CNTNAP2: variants seen among roughly 807,000 people sequenced by gnomAD.
CNTNAP2 encodes the protein contactin associated protein 2, also known as contactin-associated protein-like 2.
In CNTNAP2, 98 loss-of-function variants were observed where a neutral mutation model predicts 155.2. That is an observed-to-expected ratio of 0.63 (90% CI 0.54 to 0.75). The LOEUF (loss-of-function observed/expected upper bound fraction) is 0.75, where lower values mean the gene tolerates loss of function less well. CNTNAP2 is among the 30% of genes least tolerant of loss of function. CNTNAP2 has a pLI of 0.00. For missense variants in CNTNAP2, 1,727 were observed against 1,688.1 expected (o/e 1.02, Z -0.40); for synonymous variants, 651 against 631.2 (o/e 1.03, Z -0.47).
rs1038945462 is a variant in CNTNAP2, at chr7:147,477,407, C to T, written c.1671-8528C>T. Among the ~76,000 whole-genome samples, 5 of 152,148 alleles carry T rather than the reference C, an allele frequency of 3.3e-5. No individual in the cohort carries two copies. The South Asian group carries it at 1.0e-3, about 32-fold the overall frequency. Reference sequence around the variant, plus strand: ...AAGTAATCAATTAATAATGTAACCCCTTTAATCCTTTTGGGTTTCTTGTGG... The same window carrying T: ...AAGTAATCAATTAATAATGTAACCCTTTTAATCCTTTTGGGTTTCTTGTGG... On this transcript the variant is annotated intron_variant, in intron 10 of 23. Transcript: ENST00000361727.
intron 8 of CNTNAP2, among the ~76,000 whole-genome samples, chr7:147,221,229 A>T (rs1803392871): frequency 6.6e-6 from 1 of 152,210 alleles, no homozygotes; most frequent in Non-Finnish European, 1.5e-5. Context: ...CATACACAAT[A>T]TATACATTAA....
rs754087941 is a variant in CNTNAP2 at position 147,502,739 on chromosome 7, GTGTA to G, written c.1777+16700_1777+16703del. On this transcript the variant is annotated intron_variant, in intron 11 of 23. Coordinates refer to ENST00000361727, the MANE Select transcript of CNTNAP2 (RefSeq NM_014141.6). ...ACAATGTGTGTGTGTGTGTGTGTGT[GTGTA>G]TATATATATATATATAAAACAAATC... 1.5e-3 allele frequency among the ~76,000 whole-genome samples: 121 copies of G among 83,002 alleles called. 1 individual carries two copies. The highest frequency in any genetic ancestry group is 1.4e-3 in the Non-Finnish European group (60 of 43,776). 54.5% of individuals were successfully genotyped at this position (83,002 alleles called of 152,430 possible).
chr7:146,391,404 A>G (rs965111889), intron 1 of CNTNAP2, among the ~76,000 whole-genome samples: 1 of 151,946 alleles, frequency 6.6e-6, no homozygotes, highest in African/African-American at 2.4e-5. Flanking sequence ...CTCTCCTCAT[A>G]TCTTACATAC....
intron 1 of CNTNAP2, among the ~76,000 whole-genome samples, chr7:146,381,622 A>G (rs920268815): frequency 6.6e-6 from 1 of 152,176 alleles, no homozygotes; most frequent in Non-Finnish European, 1.5e-5. Flanking sequence ...ATAAACAGAG[A>G]AGGATTAGAC....
At chr7:146,792,336 C>G (rs1026525621) in intron 2 of CNTNAP2, among the ~76,000 whole-genome samples, 3 of 150,832 alleles carry the variant, frequency 2.0e-5, no homozygotes, top group African/African-American at 7.3e-5. Context: ...ATGAATAAAA[C>G]AAAGCTGATC....
chr7:146,187,803 C>A (rs1161613409), intron 1 of CNTNAP2, among the ~76,000 whole-genome samples: 1 of 152,142 alleles, frequency 6.6e-6, no homozygotes, highest in African/African-American at 2.4e-5. Flanking sequence ...TTTCTGCCTT[C>A]CTTTGACAAA....
intron 1 of CNTNAP2, among the ~76,000 whole-genome samples, chr7:146,389,915 G>C (rs1328733234): frequency 6.6e-6 from 1 of 151,810 alleles, no homozygotes; most frequent in Non-Finnish European, 1.5e-5. Context: ...TGGCCAGGCT[G>C]ATCTCAAACT....
At chr7:148,167,880 C>T (rs2906293) in intron 17 of CNTNAP2, among the ~76,000 whole-genome samples, 54,939 of 151,980 alleles carry the variant, frequency 0.36, 10,918 homozygotes, top group African/African-American at 0.54. Context: ...GAGAAAACTC[C>T]GCCCCACTAA....
chr7:147,602,572 C>T (rs1317591213), intron 12 of CNTNAP2, among the ~76,000 whole-genome samples: 2 of 150,978 alleles, frequency 1.3e-5, no homozygotes, highest in Admixed American at 6.6e-5. Flanking sequence ...ATGTGCCATG[C>T]TGGTGTGCTG....
At chr7:147,642,127 T>C (rs1334398595) in intron 13 of CNTNAP2, among the ~76,000 whole-genome samples, 2 of 152,032 alleles carry the variant, frequency 1.3e-5, no homozygotes, top group African/African-American at 2.4e-5. Flanking sequence ...CATCAGCTTG[T>C]CTTCACTGTT....
At chr7:148,033,366 A>G in intron 15 of CNTNAP2, among the ~76,000 whole-genome samples, 1 of 151,850 alleles carries the variant, frequency 6.6e-6, no homozygotes. Context: ...TTCTTCTAAA[A>G]AAAAAAAATG....
At chr7:146,501,215 G>T (rs993658814) in intron 1 of CNTNAP2, among the ~76,000 whole-genome samples, 6 of 151,996 alleles carry the variant, frequency 3.9e-5, no homozygotes, top group African/African-American at 1.2e-4. Context: ...TTGGTATGAA[G>T]GTATATAGGA....
chr7:147,929,161 T>C (rs1800453868), intron 14 of CNTNAP2, among the ~76,000 whole-genome samples: 1 of 151,266 alleles, frequency 6.6e-6, no homozygotes, highest in South Asian at 2.1e-4. Context: ...TATTGAGTTC[T>C]GCTCTTATTG....
At chr7:147,531,589 A>C (rs1198527874) in intron 11 of CNTNAP2, among the ~76,000 whole-genome samples, 2 of 152,142 alleles carry the variant, frequency 1.3e-5, no homozygotes, top group African/African-American at 4.8e-5. Flanking sequence ...CCAAGTCCCT[A>C]GGCTGCACGT....
chr7:146,358,061 G>A (rs1056103149), intron 1 of CNTNAP2, among the ~76,000 whole-genome samples: 16 of 150,924 alleles, frequency 1.1e-4, no homozygotes, highest in African/African-American at 3.9e-4. Context: ...TTGAGATGGA[G>A]CCTCGCTCGC....
intron 8 of CNTNAP2, among the ~76,000 whole-genome samples, chr7:147,147,956 C>A (rs1801740209): frequency 6.6e-6 from 1 of 152,126 alleles, no homozygotes; most frequent in Admixed American, 6.5e-5. Flanking sequence ...CACACACACA[C>A]CCCACAGAGT....
intron 11 of CNTNAP2, among the ~76,000 whole-genome samples, chr7:147,557,904 G>C (rs562501782): frequency 6.6e-6 from 1 of 152,062 alleles, no homozygotes; most frequent in African/African-American, 2.4e-5. Flanking sequence ...AAAAAACCAC[G>C]TTAGGGAGAG....
intron 22 of CNTNAP2, among the ~76,000 whole-genome samples, chr7:148,409,098 C>T (rs554117720): frequency 6.6e-6 from 1 of 152,174 alleles, no homozygotes; most frequent in Non-Finnish European, 1.5e-5. Flanking sequence ...TGCATAAACT[C>T]GTCTGTCTGT....
At chr7:148,365,066 C>T (rs1798712426) in intron 21 of CNTNAP2, among the ~76,000 whole-genome samples, 1 of 152,200 alleles carries the variant, frequency 6.6e-6, no homozygotes, top group Non-Finnish European at 1.5e-5. Flanking sequence ...GGGTCCGCGG[C>T]TTCATTCTTG....
Sources: gnomAD v4.1 joint callset for allele counts (sites outside exome capture counted in the v4.1 genomes callset) on GRCh38, gnomAD v4.1.1 for gene constraint, MANE v1.5 for transcripts, NCBI Gene and HGNC (gene_info 2026-07-23, HGNC 2026-07-21) for gene names.